Variants in NPLOC4 observed in about 807,000 individuals in gnomAD.
The protein encoded by NPLOC4 is nuclear protein localization protein 4 homolog.
In NPLOC4, 18 loss-of-function variants were observed where a neutral mutation model predicts 80.6. That is an observed-to-expected ratio of 0.22 (90% CI 0.15 to 0.33). NPLOC4 has a LOEUF of 0.33. NPLOC4 is among the 10% of genes least tolerant of loss of function. The pLI is 1.00. For missense variants in NPLOC4, 540 were observed against 786.1 expected (o/e 0.69, Z 3.74); for synonymous variants, 313 against 301.5 (o/e 1.04, Z -0.39).
At chr17:81,622,058 CATA>C (rs1868712224) in intron 3 of NPLOC4, 105 bp downstream of exon 3, 1 of 766,346 alleles carries the variant, frequency 1.3e-6, no homozygotes, top group Non-Finnish European at 2.3e-6. Context: ...TTGATAAGAC[CATA>C]ATGAGTGGTG....
Position 81,606,820 on chromosome 17 carries a change from T to C in NPLOC4, c.531-6A>G, listed in dbSNP as rs373091840. ...CCAGGGCAACAAACTTCCCCCTACATAGAAGAGAAGCAACTTAAACATCAC... is the reference window on the plus strand; with the variant it reads ...CCAGGGCAACAAACTTCCCCCTACACAGAAGAGAAGCAACTTAAACATCAC... On this transcript the variant is annotated splice_polypyrimidine_tract_variant and splice_region_variant and intron_variant, in intron 6 of 16. Transcript: ENST00000331134. 7.6e-6 allele frequency: 12 copies of C among 1,585,554 alleles called. No individual in the cohort carries two copies. In the African/African-American group the frequency reaches 9.9e-5, roughly 13 times the overall value.
In NPLOC4 at chr17:81,559,236, C is replaced by CTA; in HGVS notation, c.*21_*22dup. 3.2e-6 allele frequency: 5 copies of CTA among 1,584,756 alleles called. No homozygotes were observed. Among genetic ancestry groups the CTA allele is most frequent in the Non-Finnish European group, 4.3e-6 (5 of 1,166,806 alleles). ...AGGAAGGGCTGGGCTGGGCCCGGTC[C>CTA]TAGCCAGCAGAGGGCAGGCGCCCTA... On this transcript the variant is annotated 3_prime_UTR_variant, in exon 17 of 17. Transcript: ENST00000331134.
At chr17:81,595,588 A>C (rs1273363141) in intron 11 of NPLOC4, among the ~76,000 whole-genome samples, 1 of 148,806 alleles carries the variant, frequency 6.7e-6, no homozygotes, top group African/African-American at 2.5e-5. Context: ...CCTGTCACCC[A>C]GGCTGGAGTG....
At chr17:81,620,233 C>T (rs1312467431) in intron 3 of NPLOC4, among the ~76,000 whole-genome samples, 1 of 152,172 alleles carries the variant, frequency 6.6e-6, no homozygotes, top group Non-Finnish European at 1.5e-5. Flanking sequence ...CACGGTGGCT[C>T]ACACCTGTAA....
intron 4 of NPLOC4, among the ~76,000 whole-genome samples, chr17:81,611,959 CA>C (rs11401963): frequency 0.39 from 40,072 of 103,682 alleles, 6,170 homozygotes; most frequent in Non-Finnish European, 0.48. Context: ...GAGTCCATCT[CA>C]AAAAAAAAAA....
rs181217938 is a variant in NPLOC4, at chr17:81,559,156, G to A, written c.*103C>T. 2.4e-4 allele frequency: 315 copies of A among 1,310,342 alleles called. 1 individual carries two copies. In the East Asian group the frequency reaches 7.1e-3, roughly 30 times the overall value. The allele number at this position is 1,310,342 out of a possible 1,614,324, so 81.2% of individuals were successfully genotyped here. On this transcript the variant is annotated 3_prime_UTR_variant, in exon 17 of 17. Coordinates refer to ENST00000331134, the MANE Select transcript of NPLOC4 (RefSeq NM_017921.4). ...GACAGCCAGCCCCTTGTTCCTCCAG[G>A]GCTGCCCACTATGGGGCAGTTACAG... is the stretch of plus-strand genomic sequence containing the variant.
intron 9 of NPLOC4, 60 bp from the exon 10 acceptor site, chr17:81,597,376 C>A: frequency 3.7e-6 from 5 of 1,338,390 alleles, no homozygotes; most frequent in Non-Finnish European, 4.3e-6. Context: ...AATGGCTGGG[C>A]GCAGTGACTC....
At chr17:81,597,349 C>A in intron 9 of NPLOC4, 33 bp from the exon 10 acceptor site, 1 of 1,553,198 alleles carries the variant, frequency 6.4e-7, no homozygotes, top group Non-Finnish European at 8.9e-7. Flanking sequence ...TTAAACATCT[C>A]CTCAAGATAG....
Position 81,559,374 on chromosome 17 carries a change from G to A in NPLOC4, c.1712C>T (p.Ala571Val), listed in dbSNP as rs773366241. 1.2e-5 allele frequency: 20 copies of A among 1,609,762 alleles called. No homozygotes were observed. Among genetic ancestry groups the A allele is most frequent in the Non-Finnish European group, 1.7e-5 (20 of 1,178,404 alleles). The stretch of plus-strand genomic sequence containing the variant: ...GGCCGTGTGTGTGGAGCCCCCGACG[G>A]CGCCGTACTCATGGAGACCTGGGAG... ...GQLPGLHEYG[A>V]VGGSTHTATA... Residue 571 changes from alanine to valine, a missense_variant, in exon 17 of 17, where the codon GCC becomes GTC. Coordinates refer to ENST00000331134, the MANE Select transcript of NPLOC4 (RefSeq NM_017921.4).
intron 7 of NPLOC4, among the ~76,000 whole-genome samples, chr17:81,605,695 T>TG: frequency 6.6e-6 from 1 of 151,766 alleles, no homozygotes; most frequent in Non-Finnish European, 1.5e-5. Context: ...CAGAGTCCAG[T>TG]GGCGGGACAC....
At position 81,569,079 on chromosome 17, in the gene NPLOC4, G is replaced by A. The variant is rs200583355; in HGVS notation, c.1386C>T (p.Tyr462=). 1.7e-5 allele frequency: 27 copies of A among 1,612,790 alleles called. No individual in the cohort carries two copies. In the Admixed American group the frequency reaches 2.7e-4, roughly 16 times the overall value. The change falls in exon 14 of 17, where the codon TAC becomes TAT. Residue 462 remains tyrosine, a synonymous_variant. Transcript: ENST00000331134. The stretch of plus-strand genomic sequence containing the variant: ...ATGGATTTTGCGAAATAGAAAAAGT[G>A]TAAACTGGATCCTTGGGGAAAGTTG... The part of the protein sequence containing the change: ...ITTTFPKDPV[Y]TFSISQNPFP...
At position 81,559,415 on chromosome 17, in the gene NPLOC4, G is replaced by A. The variant is rs202133528; in HGVS notation, c.1671C>T (p.Ser557=). 57 of 1,608,910 alleles carry A rather than the reference G, an allele frequency of 3.5e-5. No individual in the cohort carries two copies. Among genetic ancestry groups the A allele is most frequent in the Non-Finnish European group, 4.2e-5 (49 of 1,177,852 alleles). ...EQWATIEQLC[S]TVGGQLPGLH... is the part of the protein sequence containing the mutation. ...GACCTGGGAGCTGCCCGCCAACTGTGCCTGCAGGGTGGAAGAGAAATGAGC... is the reference window on the plus strand; with the variant it reads ...GACCTGGGAGCTGCCCGCCAACTGTACCTGCAGGGTGGAAGAGAAATGAGC... The change falls in exon 17 of 17, where the codon AGC becomes AGT. Residue 557 remains serine, a splice_region_variant and synonymous_variant. Coordinates refer to ENST00000331134, the MANE Select transcript of NPLOC4 (RefSeq NM_017921.4).
chr17:81,587,555 T>A (rs954844155), intron 12 of NPLOC4, among the ~76,000 whole-genome samples: 2 of 134,612 alleles, frequency 1.5e-5, no homozygotes, highest in African/African-American at 5.8e-5. Context: ...GACCTTGTGA[T>A]CCGCCCGCCT....
intron 3 of NPLOC4, 92 bp from the exon 4 acceptor site, chr17:81,613,586 A>G: frequency 2.5e-6 from 3 of 1,221,244 alleles, no homozygotes; most frequent in Non-Finnish European, 2.3e-6. Context: ...GCAAATGCCA[A>G]CCACCCCTGT....
intron 9 of NPLOC4, among the ~76,000 whole-genome samples, chr17:81,598,657 C>A (rs2034984915): frequency 6.6e-6 from 1 of 152,198 alleles, no homozygotes; most frequent in Non-Finnish European, 1.5e-5. Flanking sequence ...TGCCTGTGTG[C>A]TGTGTGATCC....
intron 15 of NPLOC4, 107 bp from the exon 16 acceptor site, chr17:81,565,714 AT>A: frequency 1.2e-6 from 1 of 841,186 alleles, no homozygotes. Context: ...TTCTGAGGAC[AT>A]TTTAAAAATC....
chr17:81,592,866 C>T (rs2034787179), intron 11 of NPLOC4, among the ~76,000 whole-genome samples: 1 of 152,318 alleles, frequency 6.6e-6, no homozygotes, highest in South Asian at 2.1e-4. Flanking sequence ...CGCCTGTAAT[C>T]CCAGCTACTT....
At position 81,632,666 on chromosome 17, in the gene NPLOC4, C is replaced by A. The variant is rs533248722; in HGVS notation, c.16-2861G>T. On this transcript the variant is annotated intron_variant, in intron 1 of 16. Transcript: ENST00000331134. ...ATAACTATTTTCTGTGAGGTTACCA[C>A]GAGTGTTACATTAAACATCCTCTTC... Among the ~76,000 whole-genome samples the A allele has an allele frequency of 5.3e-5, 8 of 152,204 alleles. No individual in the cohort carries two copies. In the South Asian group the frequency reaches 1.7e-3, roughly 32 times the overall value.
At chr17:81,593,754 C>G (rs2034812912) in intron 11 of NPLOC4, among the ~76,000 whole-genome samples, 1 of 151,798 alleles carries the variant, frequency 6.6e-6, no homozygotes, top group African/African-American at 2.4e-5. Context: ...AGGCAGAATT[C>G]TAAATGACAT....
Sources: allele counts gnomAD v4.1 joint callset (sites outside exome capture counted in the v4.1 genomes callset), GRCh38; gene constraint gnomAD v4.1.1; transcripts MANE v1.5; gene names NCBI Gene and HGNC (gene_info 2026-07-23, HGNC 2026-07-21).